The following STXBP4 variants were observed in gnomAD, a reference collection of about 807,000 sequenced individuals.
STXBP4 encodes syntaxin-binding protein 4.
Under a neutral mutation model 76.1 loss-of-function variants are expected in STXBP4, and 55 were observed. That is an observed-to-expected ratio of 0.72 (90% CI 0.58 to 0.91). STXBP4 has a LOEUF of 0.91. Among genes scored for constraint, STXBP4 ranks in the 40% least tolerant of loss-of-function variants. The probability of loss-of-function intolerance (pLI) is 0.00; values close to 1 mark genes in which losing one functional copy is unlikely to be tolerated. For missense variants in STXBP4, 618 were observed against 636.9 expected, an observed-to-expected ratio of 0.97 and a Z score of 0.32; for synonymous variants, 201 against 220.2, an observed-to-expected ratio of 0.91 and a Z score of 0.77.
chr17:55,008,594 G>A (rs944884829), intron 8 of STXBP4, among the ~76,000 whole-genome samples: 3 of 152,132 alleles, frequency 2.0e-5, no homozygotes, highest in African/African-American at 7.2e-5. Flanking sequence ...AGGGAAAACT[G>A]TATTTTTATG....
chr17:55,099,852 C>T (rs1411504825), intron 16 of STXBP4, among the ~76,000 whole-genome samples: 1 of 152,266 alleles, frequency 6.6e-6, no homozygotes, highest in Non-Finnish European at 1.5e-5. Flanking sequence ...GTAGGTACCA[C>T]GTACCATCTG....
the STXBP4 span, among the ~76,000 whole-genome samples, chr17:55,183,111 G>A: frequency 0.015 from 2,327 of 152,184 alleles, 56 homozygotes; most frequent in African/African-American, 0.053. Flanking sequence ...AGCAACAATA[G>A]CATATAAGTC....
At chr17:55,196,582 G>T in the STXBP4 span, among the ~76,000 whole-genome samples, 1 of 152,124 alleles carries the variant, frequency 6.6e-6, no homozygotes, top group African/African-American at 2.4e-5. Context: ...TGTGTCCACT[G>T]CTCTGGTAAA....
chr17:55,199,201 A>G, the STXBP4 span, among the ~76,000 whole-genome samples: 1 of 152,232 alleles, frequency 6.6e-6, no homozygotes, highest in Non-Finnish European at 1.5e-5. Context: ...GATGAATCAA[A>G]TGTCCAATTA....
intron 17 of STXBP4, among the ~76,000 whole-genome samples, chr17:55,143,547 T>G: frequency 6.6e-6 from 1 of 152,200 alleles, no homozygotes; most frequent in East Asian, 1.9e-4. Context: ...TCCTTACCTG[T>G]TACCCAGCTA....
rs374488020 is a variant in STXBP4 at position 55,086,339 on chromosome 17, C to T, written c.1489+5156C>T. On this transcript the variant is annotated intron_variant, in intron 16 of 17. Coordinates refer to ENST00000376352, the MANE Select transcript of STXBP4 (RefSeq NM_178509.6). ...TTTGATACACATAATATACAATAGT[C>T]AGATAAGAGTAACTAGCATATCTAT... 1.5e-3 allele frequency among the ~76,000 whole-genome samples: 222 copies of T among 152,150 alleles called. 7 individuals carry two copies. In the South Asian group the frequency reaches 0.045, roughly 31 times the overall value.
At chr17:55,190,915 G>C in the STXBP4 span, among the ~76,000 whole-genome samples, 2 of 152,156 alleles carry the variant, frequency 1.3e-5, no homozygotes, top group African/African-American at 4.8e-5. Flanking sequence ...ACATGGTGGG[G>C]TTTACTCAGA....
rs561357386 is a variant in STXBP4, at chr17:55,033,595, T to A, written c.764-573T>A. Among the ~76,000 whole-genome samples, 44 of 152,300 alleles carry A rather than the reference T, an allele frequency of 2.9e-4. 1 individual carries two copies. The highest frequency in any genetic ancestry group is 6.8e-3 in the Middle Eastern group (2 of 294). ...TACATAGATGAGTAAGTTACTCTCCTTGTCAGAAGAAGCCTATGAACTGTT... is the reference window on the plus strand; with the variant it reads ...TACATAGATGAGTAAGTTACTCTCCATGTCAGAAGAAGCCTATGAACTGTT... On this transcript the variant is annotated intron_variant, in intron 9 of 17. Coordinates refer to ENST00000376352, the MANE Select transcript of STXBP4 (RefSeq NM_178509.6).
chr17:55,187,914 G>A, the STXBP4 span, among the ~76,000 whole-genome samples: 1 of 152,164 alleles, frequency 6.6e-6, no homozygotes, highest in Admixed American at 6.5e-5. Context: ...TTAAACCATA[G>A]CAACCTTGGT....
At chr17:55,051,400 A>C (rs2078856632) in intron 12 of STXBP4, among the ~76,000 whole-genome samples, 1 of 152,128 alleles carries the variant, frequency 6.6e-6, no homozygotes, top group Admixed American at 6.6e-5. Context: ...TCAGGATGGA[A>C]TTGAGTTGGG....
At chr17:55,145,325 A>C (rs1360693433) in intron 17 of STXBP4, among the ~76,000 whole-genome samples, 3 of 152,148 alleles carry the variant, frequency 2.0e-5, no homozygotes, top group Admixed American at 2.0e-4. Flanking sequence ...TAAGTAATGG[A>C]CTCAGATCAT....
chr17:55,017,309 T>C (rs1355737383), intron 8 of STXBP4, among the ~76,000 whole-genome samples: 1 of 151,990 alleles, frequency 6.6e-6, no homozygotes, highest in Non-Finnish European at 1.5e-5. Flanking sequence ...CTTGGGGCCC[T>C]GGCAAGGGTG....
At chr17:55,151,284 G>A (rs776396044) in intron 17 of STXBP4, among the ~76,000 whole-genome samples, 1 of 152,102 alleles carries the variant, frequency 6.6e-6, no homozygotes, top group Admixed American at 6.6e-5. Context: ...CCTTGGATGG[G>A]GCTTTGATAC....
chr17:54,999,654 G>A lies in STXBP4; in HGVS notation c.310G>A (p.Ala104Thr), dbSNP rs1051190297. The change falls in exon 6 of 18, where the codon GCA becomes ACA. Residue 104 changes from alanine to threonine, a missense_variant. By Grantham distance (58) the Ala-to-Thr change is moderately conservative. Coordinates refer to ENST00000376352, the MANE Select transcript of STXBP4 (RefSeq NM_178509.6). ...TAGGTTAGAATCTGCTTGGGAGATAGCATTCATAAGACAAAAATCCGACAA... is the reference window on the plus strand; with the variant it reads ...TAGGTTAGAATCTGCTTGGGAGATAACATTCATAAGACAAAAATCCGACAA... The part of the protein sequence containing the change: ...KLRLESAWEI[A>T]FIRQKSDNIQ... The A allele has an allele frequency of 6.2e-7, 1 of 1,613,512 alleles. No homozygotes were observed. The highest frequency in any genetic ancestry group is 8.5e-7 in the Non-Finnish European group (1 of 1,179,780).
Position 55,031,164 on chromosome 17 carries a change from C to A in STXBP4, c.667-4C>A, listed in dbSNP as rs1027062373. 14 of 1,611,360 alleles carry A rather than the reference C, an allele frequency of 8.7e-6. No homozygotes were observed. The African/African-American group carries it at 1.9e-4, about 22-fold the overall frequency. On this transcript the variant is annotated splice_region_variant and splice_polypyrimidine_tract_variant and intron_variant, in intron 8 of 17. Coordinates refer to ENST00000376352, the MANE Select transcript of STXBP4 (RefSeq NM_178509.6). ...TTGCTTTTCATGAGTCCTTTATCTT[C>A]CAGGCTCTAAATTATCTTGGTATTC... is the stretch of plus-strand genomic sequence containing the variant.
At chr17:55,024,694 A>G (rs1054065866) in intron 8 of STXBP4, among the ~76,000 whole-genome samples, 2 of 152,204 alleles carry the variant, frequency 1.3e-5, no homozygotes, top group Middle Eastern at 3.2e-3. Context: ...AAATGATAGG[A>G]GACAGCCTAA....
At chr17:55,027,085 C>G (rs2078429727) in intron 8 of STXBP4, among the ~76,000 whole-genome samples, 1 of 152,190 alleles carries the variant, frequency 6.6e-6, no homozygotes, top group Admixed American at 6.5e-5. Context: ...TTACTGCCAC[C>G]TGCTACTCCC....
At chr17:55,009,831 T>C (rs2078075138) in intron 8 of STXBP4, among the ~76,000 whole-genome samples, 1 of 152,086 alleles carries the variant, frequency 6.6e-6, no homozygotes, top group South Asian at 2.1e-4. Context: ...ACTCTTCTTG[T>C]TTTGCATTAC....
intron 16 of STXBP4, among the ~76,000 whole-genome samples, chr17:55,140,404 G>T (rs988591601): frequency 1.3e-5 from 2 of 152,114 alleles, no homozygotes; most frequent in African/African-American, 4.8e-5. Context: ...GTTGTTAAAG[G>T]TCGGTTACTT....
Sources: gnomAD v4.1 joint callset for allele counts (sites outside exome capture counted in the v4.1 genomes callset) on GRCh38, gnomAD v4.1.1 for gene constraint, MANE v1.5 for transcripts, NCBI Gene and HGNC (gene_info 2026-07-23, HGNC 2026-07-21) for gene names.